Variants in ODAM observed in about 807,000 individuals in gnomAD.
The protein encoded by ODAM is odontogenic ameloblast-associated protein.
ODAM carries 55 observed loss-of-function variants against 48.5 expected under a neutral mutation model. The ratio of observed to expected loss-of-function variants is 1.13; its 90% CI spans 0.91 to 1.42. The LOEUF is 1.42. ODAM is among the 40% of genes most tolerant of loss of function. ODAM has a pLI of 0.00. For missense variants in ODAM, 353 were observed against 323.6 expected, an observed-to-expected ratio of 1.09 and a Z score of -0.70; for synonymous variants, 127 against 107.8, an observed-to-expected ratio of 1.18 and a Z score of -1.10.
chr4:70,199,670 C>A (rs1729454862), intron 6 of ODAM, among the ~76,000 whole-genome samples: 4 of 152,050 alleles, frequency 2.6e-5, no homozygotes, highest in Non-Finnish European at 1.5e-5. Context: ...TGAATCAATA[C>A]CCCATGAATA....
intron 3 of ODAM, 119 bp from the exon 4 acceptor site, chr4:70,197,155 C>A: frequency 1.6e-6 from 1 of 628,274 alleles, no homozygotes; most frequent in Non-Finnish European, 2.9e-6. Flanking sequence ...AGAAAATGTC[C>A]CACTTCTAAC....
chr4:70,198,350 C>A (rs1421796797), intron 5 of ODAM, among the ~76,000 whole-genome samples, 193 bp downstream of exon 5: 2 of 151,888 alleles, frequency 1.3e-5, no homozygotes, highest in Non-Finnish European at 1.5e-5. Flanking sequence ...AAATCAGCTA[C>A]TCTAGGATAC....
At position 70,200,485 on chromosome 4, in the gene ODAM, T is replaced by A; in HGVS notation, c.424-12T>A. 1 of 1,460,886 alleles carries A rather than the reference T, an allele frequency of 6.8e-7. No individual in the cohort carries two copies. The highest frequency in any genetic ancestry group is 9.5e-7 in the Non-Finnish European group (1 of 1,047,868). 90.5% of individuals were successfully genotyped at this position (1,460,886 alleles called of 1,614,324 possible). On this transcript the variant is annotated splice_polypyrimidine_tract_variant and intron_variant, in intron 6 of 11. Transcript: ENST00000683306. ...AATGGAATCTCTTGTATCCTTCTCT[T>A]TTTACAAGTAGATGTTTCAATACTA...
chr4:70,203,483 C>A (rs572677976), intron 11 of ODAM, among the ~76,000 whole-genome samples: 5 of 151,926 alleles, frequency 3.3e-5, no homozygotes, highest in Admixed American at 6.6e-5. Context: ...TTGTAAAAGA[C>A]ATTCTATAGA....
chr4:70,199,858 G>A (rs900806738), intron 6 of ODAM, among the ~76,000 whole-genome samples: 1 of 151,804 alleles, frequency 6.6e-6, no homozygotes, highest in Admixed American at 6.6e-5. Flanking sequence ...ATTAACATAT[G>A]TACTAAGATT....
intron 6 of ODAM, among the ~76,000 whole-genome samples, chr4:70,199,921 A>G (rs760324767): frequency 6.6e-6 from 1 of 152,004 alleles, no homozygotes. Context: ...ATATAAGTAG[A>G]AGGCAATGAT....
chr4:70,196,667 A>G, intron 2 of ODAM, 25 bp from the exon 3 acceptor site: 1 of 1,564,654 alleles, frequency 6.4e-7, no homozygotes, highest in Non-Finnish European at 8.7e-7. Flanking sequence ...ACTATTTCTG[A>G]TTTTTTTTTC....
chr4:70,198,232 C>T, intron 5 of ODAM, 75 bp downstream of exon 5: 1 of 1,234,640 alleles, frequency 8.1e-7, no homozygotes. Context: ...TATGAATCAG[C>T]TTTGAAATAG....
chr4:70,202,333 A>C lies in ODAM; in HGVS notation c.648+4A>C. On this transcript the variant is annotated splice_donor_region_variant and intron_variant, in intron 9 of 11. Transcript: ENST00000683306. ...AGCTCCTGAAATTGCTGTGATGGTA[A>C]GATTCCTTACAACACTTTGCCAGCT... The C allele has an allele frequency of 6.2e-7, 1 of 1,608,964 alleles. No individual in the cohort carries two copies. The highest frequency in any genetic ancestry group is 1.1e-5 in the South Asian group (1 of 90,954).
intron 6 of ODAM, 147 bp from the exon 7 acceptor site, chr4:70,200,350 G>A: frequency 1.9e-6 from 1 of 531,884 alleles, no homozygotes; most frequent in Non-Finnish European, 3.3e-6. Flanking sequence ...GTTTGGGAAG[G>A]GATTCTTCAT....
At chr4:70,201,599 G>A (rs1273277522) in intron 8 of ODAM, 98 bp downstream of exon 8, 9 of 731,468 alleles carry the variant, frequency 1.2e-5, no homozygotes, top group African/African-American at 3.6e-5. Flanking sequence ...ATGACCAGGA[G>A]CGCACCTCTA....
intron 7 of ODAM, among the ~76,000 whole-genome samples, chr4:70,200,958 G>A (rs1171540238): frequency 6.6e-6 from 1 of 151,696 alleles, no homozygotes; most frequent in Non-Finnish European, 1.5e-5. Flanking sequence ...ATAATAAATG[G>A]CAAAAATATT....
chr4:70,198,535 A>C, intron 5 of ODAM, 44 bp from the exon 6 acceptor site: 3 of 1,453,184 alleles, frequency 2.1e-6, no homozygotes, highest in Non-Finnish European at 2.8e-6. Flanking sequence ...TTTTTAAATA[A>C]CAAAGTCAAG....
At position 70,196,611 on chromosome 4, in the gene ODAM, C is replaced by T; in HGVS notation, c.51+17C>T. 1.9e-6 allele frequency: 3 copies of T among 1,587,368 alleles called. No homozygotes were observed. The highest frequency in any genetic ancestry group is 2.6e-6 in the Non-Finnish European group (3 of 1,158,986). Reference sequence around the variant, plus strand: ...TCAGCCCCAGTAAGTGATTTTATGGCACTACTAGTCCCACTGTGTTAAACC... The same window carrying T: ...TCAGCCCCAGTAAGTGATTTTATGGTACTACTAGTCCCACTGTGTTAAACC... On this transcript the variant is annotated intron_variant, in intron 2 of 11. Transcript: ENST00000683306.
rs912824434 is a variant in ODAM, at chr4:70,197,371, A to G, written c.141+50A>G. 3.1e-6 allele frequency: 3 copies of G among 954,518 alleles called. No homozygotes were observed. In the African/African-American group the frequency reaches 4.9e-5, roughly 16 times the overall value. The allele number at this position is 954,518 out of a possible 1,614,324, so 59.1% of individuals were successfully genotyped here. A position where few individuals can be genotyped will look rare whatever the true frequency, so the allele number is the denominator to read the frequency against. On this transcript the variant is annotated intron_variant, in intron 4 of 11. Transcript: ENST00000683306. The stretch of plus-strand genomic sequence containing the variant: ...TATGGGGAATATTTACCTATTGCTC[A>G]TTTATGTTATTTTGTAAGAAAACAA...
In ODAM at chr4:70,203,162, A is replaced by G; in HGVS notation, c.817A>G (p.Thr273Ala). 1 of 1,599,722 alleles carries G rather than the reference A, an allele frequency of 6.3e-7. No homozygotes were observed. The highest frequency in any genetic ancestry group is 8.6e-7 in the Non-Finnish European group (1 of 1,168,048). ...TPELPEEKDKTDSLREP is the reference protein window; with the variant it reads ...TPELPEEKDKADSLREP ...AATGTCCTTTTCTCACTAGGACAAG[A>G]CTGACAGCCTAAGGGAACCATAAGA... Residue 273 changes from threonine (T) to alanine (A), a missense_variant, in exon 11 of 12, where the codon ACT (threonine) becomes GCT (alanine). Coordinates refer to ENST00000683306, the MANE Select transcript of ODAM (RefSeq NM_017855.4).
chr4:70,203,301 G>A (rs2109821467), intron 11 of ODAM, 87 bp downstream of exon 11: 2 of 735,934 alleles, frequency 2.7e-6, no homozygotes, highest in Non-Finnish European at 2.4e-6. Context: ...AGGAGCTAAT[G>A]GAGTTCTTAC....
At chr4:70,199,243 T>TACAATATTC (rs1729445959) in intron 6 of ODAM, among the ~76,000 whole-genome samples, 3 of 152,014 alleles carry the variant, frequency 2.0e-5, no homozygotes, top group Admixed American at 2.0e-4. Flanking sequence ...TTATTAATTT[T>TACAATATTC]ACAATATTCT....
chr4:70,203,869 C>A (rs1371842682), intron 11 of ODAM, among the ~76,000 whole-genome samples: 1 of 151,868 alleles, frequency 6.6e-6, no homozygotes, highest in African/African-American at 2.4e-5. Context: ...TCTCTCCTTC[C>A]ATAAAAATGA....
Sources: allele counts gnomAD v4.1 joint callset (sites outside exome capture counted in the v4.1 genomes callset), GRCh38; gene constraint gnomAD v4.1.1; transcripts MANE v1.5; gene names NCBI Gene and HGNC (gene_info 2026-07-23, HGNC 2026-07-21).